The following NBEAL1 variants were observed in gnomAD, a reference collection of about 807,000 sequenced individuals.
NBEAL1 encodes the protein neurobeachin like 1, also known as neurobeachin-like protein 1.
In NBEAL1, 273 loss-of-function variants were observed where a neutral mutation model predicts 351.3. The observed-to-expected ratio is 0.78, with a 90% CI of 0.70 to 0.86. The LOEUF (loss-of-function observed/expected upper bound fraction) is 0.86, where lower values mean the gene tolerates loss of function less well. Ranked by LOEUF, NBEAL1 falls within the 40% of genes least tolerant of loss-of-function variation. The pLI, the probability that NBEAL1 is intolerant of heterozygous loss-of-function variation, is 0.00. For synonymous variants in NBEAL1, 1,050 were observed against 1,086.4 expected, an observed-to-expected ratio of 0.97 and a Z score of 0.66; for missense variants, 2,961 against 3,201.3, an observed-to-expected ratio of 0.92 and a Z score of 1.81.
intron 51 of NBEAL1, among the ~76,000 whole-genome samples, chr2:203,207,221 G>A (rs1162789145): frequency 1.3e-5 from 2 of 151,620 alleles, no homozygotes; most frequent in Non-Finnish European, 2.9e-5. Flanking sequence ...CCCTCCGCCT[G>A]GCAGCCACCC....
chr2:203,216,425 C>G (rs1009812560), intron 55 of NBEAL1, among the ~76,000 whole-genome samples: 2 of 151,996 alleles, frequency 1.3e-5, no homozygotes, highest in African/African-American at 4.8e-5. Context: ...AATCTCCAAA[C>G]CTGTATGTCT....
intron 2 of NBEAL1, 126 bp from the exon 3 acceptor site, chr2:203,041,639 T>C: frequency 3.1e-6 from 2 of 649,610 alleles, no homozygotes; most frequent in Non-Finnish European, 5.3e-6. Context: ...ACAGCACATA[T>C]GTACTCCTAA....
At chr2:203,110,767 C>CTTTTTTT (rs71034215) in intron 15 of NBEAL1, among the ~76,000 whole-genome samples, 1 of 106,730 alleles carries the variant, frequency 9.4e-6, no homozygotes. Context: ...TTTCTTTTTT[C>CTTTTTTT]TTTTTTTTTT....
chr2:203,046,368 A>G (rs2061226186), intron 3 of NBEAL1, among the ~76,000 whole-genome samples: 2 of 151,918 alleles, frequency 1.3e-5, no homozygotes, highest in African/African-American at 2.4e-5. Flanking sequence ...GGCACCCGCC[A>G]CCACGCTCGG....
In NBEAL1 at chr2:203,064,752, A is replaced by G. The variant is rs535579036; in HGVS notation, c.516-3641A>G. Among the ~76,000 whole-genome samples the G allele has an allele frequency of 5.3e-5, 8 of 152,334 alleles. No homozygotes were observed. The South Asian group carries it at 1.2e-3, about 24-fold the overall frequency. ...ATGCAATACCTGACCCTGGCCTGGAAGCTGTATTGGAAGAGGGAAATGCTA... is the reference window on the plus strand; with the variant it reads ...ATGCAATACCTGACCCTGGCCTGGAGGCTGTATTGGAAGAGGGAAATGCTA... On this transcript the variant is annotated intron_variant, in intron 6 of 55. Coordinates refer to ENST00000683969, the MANE Select transcript of NBEAL1 (RefSeq NM_001378026.1).
intron 10 of NBEAL1, among the ~76,000 whole-genome samples, chr2:203,093,139 G>A (rs2062099872): frequency 6.7e-6 from 1 of 150,108 alleles, no homozygotes; most frequent in African/African-American, 2.4e-5. Context: ...GGCTGAGGCA[G>A]GAGAATCACT....
intron 51 of NBEAL1, among the ~76,000 whole-genome samples, chr2:203,205,032 G>A (rs2065513671): frequency 1.3e-5 from 2 of 151,994 alleles, no homozygotes; most frequent in South Asian, 4.2e-4. Flanking sequence ...ATACAATAAG[G>A]TAAGCAAAAT....
chr2:203,126,102 G>T lies in NBEAL1; in HGVS notation c.2985+9G>T. 6.5e-7 allele frequency: 1 copy of T among 1,534,588 alleles called. No individual in the cohort carries two copies. ...GTGCTTTACTTCAGAAGGTGAGCCAGTCTAACATTGTGTTGATGTAGCTAA... is the reference window on the plus strand; with the variant it reads ...GTGCTTTACTTCAGAAGGTGAGCCATTCTAACATTGTGTTGATGTAGCTAA... On this transcript the variant is annotated intron_variant, in intron 21 of 55. Transcript: ENST00000683969.
At chr2:203,182,458 C>T (rs1296024730) in intron 43 of NBEAL1, 1 of 152,162 alleles carries the variant, frequency 6.6e-6, no homozygotes, top group African/African-American at 2.4e-5. Context: ...CTAGACCAGT[C>T]ACCTGGAATG....
chr2:203,022,565 C>T (rs1574856852), intron 2 of NBEAL1, among the ~76,000 whole-genome samples: 1 of 152,188 alleles, frequency 6.6e-6, no homozygotes, highest in Non-Finnish European at 1.5e-5. Context: ...AACTATTTTA[C>T]ATATCTGTCA....
chr2:203,161,009 A>G (rs540910932), intron 36 of NBEAL1, among the ~76,000 whole-genome samples: 160 of 152,274 alleles, frequency 1.1e-3, no homozygotes, highest in African/African-American at 3.8e-3. Flanking sequence ...CCTGAGCAAC[A>G]TGGTGAGACC....
Position 203,209,238 on chromosome 2 carries a change from G to C in NBEAL1, c.7701G>C (p.Leu2567=). ...RTLRPPCESS[L]FLTIPNLAIS... ...TACGACCACCTTGTGAGAGTTCTCT[G>C]TTCCTGACCATTCCTAATTTGGCTA... The change falls in exon 53 of 56, where the codon CTG becomes CTC. Residue 2567 remains leucine (L), a synonymous_variant. Transcript: ENST00000683969. 1.2e-6 allele frequency: 2 copies of C among 1,613,750 alleles called. No individual in the cohort carries two copies. The highest frequency in any genetic ancestry group is 1.7e-6 in the Non-Finnish European group (2 of 1,179,720).
At chr2:203,175,373 G>A (rs2064469031) in intron 42 of NBEAL1, 86 bp downstream of exon 42, 1 of 1,344,956 alleles carries the variant, frequency 7.4e-7, no homozygotes, top group South Asian at 1.3e-5. Context: ...TGTGTAACAT[G>A]TCTTTTTTAT....
At position 203,034,359 on chromosome 2, in the gene NBEAL1, A is replaced by G. The variant is rs567040781; in HGVS notation, c.52-7406A>G. On this transcript the variant is annotated intron_variant, in intron 2 of 55. Transcript: ENST00000683969. ...TTTTTAGTAGAGACAGGGTTTCACC[A>G]TGTTGGCCAGGATAGTCTCGATATC... Among the ~76,000 whole-genome samples the G allele has an allele frequency of 4.4e-4, 66 of 149,536 alleles. 2 individuals carry two copies. Among genetic ancestry groups the G allele is most frequent in the African/African-American group, 1.1e-3 (46 of 40,842 alleles).
At chr2:203,046,317 G>A (rs773984331) in intron 3 of NBEAL1, among the ~76,000 whole-genome samples, 2 of 151,990 alleles carry the variant, frequency 1.3e-5, no homozygotes, top group Admixed American at 1.3e-4. Context: ...CCGGGTTCAC[G>A]CCATTCTCCT....
chr2:203,159,520 A>G (rs1001727826), intron 36 of NBEAL1, among the ~76,000 whole-genome samples: 2 of 152,196 alleles, frequency 1.3e-5, no homozygotes, highest in African/African-American at 2.4e-5. Flanking sequence ...GTGTCATAGC[A>G]TATGAGAGTA....
intron 36 of NBEAL1, among the ~76,000 whole-genome samples, chr2:203,159,161 C>T (rs927448294): frequency 6.6e-6 from 1 of 152,108 alleles, no homozygotes; most frequent in Non-Finnish European, 1.5e-5. Context: ...GTCTGATTGC[C>T]ACAAACTCTC....
At position 203,169,862 on chromosome 2, in the gene NBEAL1, G is replaced by C. The variant is rs975150071; in HGVS notation, c.6102+11G>C. Reference sequence around the variant, plus strand: ...TCAGGATTGACACAGGTAGGAAATTGTAATAGTCTCTAATGAACTGTTCTG... The same window carrying C: ...TCAGGATTGACACAGGTAGGAAATTCTAATAGTCTCTAATGAACTGTTCTG... On this transcript the variant is annotated intron_variant, in intron 39 of 55. Coordinates refer to ENST00000683969, the MANE Select transcript of NBEAL1 (RefSeq NM_001378026.1). 1 of 1,458,790 alleles carries C rather than the reference G, an allele frequency of 6.9e-7. No homozygotes were observed. Among genetic ancestry groups the C allele is most frequent in the Non-Finnish European group, 9.5e-7 (1 of 1,048,814 alleles). The allele number at this position is 1,458,790 out of a possible 1,614,324, so 90.4% of individuals were successfully genotyped here. A position where few individuals can be genotyped will look rare whatever the true frequency, so the allele number is the denominator to read the frequency against.
At chr2:203,051,559 G>A (rs1038735291) in intron 4 of NBEAL1, among the ~76,000 whole-genome samples, 1 of 150,528 alleles carries the variant, frequency 6.6e-6, no homozygotes. Flanking sequence ...AAAAAAAAAA[G>A]GTTAAAGGGA....
Sources: allele counts gnomAD v4.1 joint callset (sites outside exome capture counted in the v4.1 genomes callset), GRCh38; gene constraint gnomAD v4.1.1; transcripts MANE v1.5; gene names NCBI Gene and HGNC (gene_info 2026-07-23, HGNC 2026-07-21).